Variants in SETD2 observed in about 807,000 individuals in gnomAD.
SETD2 encodes histone-lysine N-methyltransferase SETD2.
SETD2 carries 31 observed loss-of-function variants against 242.1 expected under a neutral mutation model. That is an observed-to-expected ratio of 0.13 (90% CI 0.10 to 0.17). The LOEUF is 0.17. Ranked by LOEUF, SETD2 falls within the 10% of genes least tolerant of loss-of-function variation. SETD2 has a pLI of 1.00. For missense variants in SETD2, 2,481 were observed against 3,046.3 expected, an observed-to-expected ratio of 0.81 and a Z score of 4.37; for synonymous variants, 1,006 against 1,066.5, an observed-to-expected ratio of 0.94 and a Z score of 1.11.
chr3:47,049,375 T>TG (rs1553682198), intron 15 of SETD2, among the ~76,000 whole-genome samples: 1 of 6,930 alleles, frequency 1.4e-4, no homozygotes, highest in Non-Finnish European at 5.4e-4. Flanking sequence ...AAACTTATTC[T>TG]TTTTTTTTTT....
chr3:47,133,966 A>T (rs555677490), intron 1 of SETD2, among the ~76,000 whole-genome samples: 2 of 152,346 alleles, frequency 1.3e-5, no homozygotes, highest in African/African-American at 4.8e-5. Flanking sequence ...AGAGTATTTC[A>T]TAATATTGCT....
At chr3:47,088,467 C>A (rs1388527512) in intron 9 of SETD2, among the ~76,000 whole-genome samples, 1 of 143,914 alleles carries the variant, frequency 6.9e-6, no homozygotes, top group East Asian at 2.0e-4. Flanking sequence ...AAATGCATTT[C>A]ATTCACTCAT....
intron 1 of SETD2, among the ~76,000 whole-genome samples, chr3:47,151,756 A>G (rs995768229): frequency 1.3e-5 from 2 of 151,268 alleles, no homozygotes; most frequent in Admixed American, 1.3e-4. Flanking sequence ...GAACCCGGGA[A>G]GCGGAGGTTG....
intron 9 of SETD2, among the ~76,000 whole-genome samples, chr3:47,093,000 T>A (rs1205090007): frequency 6.6e-6 from 1 of 152,204 alleles, no homozygotes; most frequent in Non-Finnish European, 1.5e-5. Flanking sequence ...ATATTAATTT[T>A]TTTTAAGTGA....
chr3:47,023,864 T>C (rs1299412385), intron 18 of SETD2, among the ~76,000 whole-genome samples: 3 of 152,178 alleles, frequency 2.0e-5, no homozygotes, highest in Non-Finnish European at 4.4e-5. Context: ...CTTTAGACTT[T>C]GGCATCCATG....
upstream of SETD2, chr3:47,164,420 CG>C (rs1201575456): frequency 6.5e-6 from 1 of 152,876 alleles, no homozygotes; most frequent in Non-Finnish European, 1.5e-5. The surrounding 1 kb of genome is among the most constrained non-coding windows in gnomAD (Gnocchi z 5.4). Flanking sequence ...CAGCGTGACC[CG>C]GCCCGCTACC....
chr3:47,058,896 G>A (rs968322419), intron 14 of SETD2, among the ~76,000 whole-genome samples: 6 of 151,782 alleles, frequency 4.0e-5, no homozygotes, highest in Non-Finnish European at 7.4e-5. Flanking sequence ...CCGGGTTCAT[G>A]CCATTCTTCT....
chr3:47,085,323 A>T (rs1254623126), intron 11 of SETD2, among the ~76,000 whole-genome samples: 1 of 152,210 alleles, frequency 6.6e-6, no homozygotes, highest in African/African-American at 2.4e-5. Flanking sequence ...AAAGTTTACC[A>T]AGTGTCTGTG....
intron 11 of SETD2, among the ~76,000 whole-genome samples, chr3:47,084,739 T>G (rs976098603): frequency 3.4e-5 from 5 of 145,958 alleles, no homozygotes; most frequent in Non-Finnish European, 4.5e-5. Context: ...GTTGATTTTG[T>G]TTTTTTTTTG....
At chr3:47,019,229 G>GT (rs2038112518) in intron 19 of SETD2, among the ~76,000 whole-genome samples, 1 of 152,202 alleles carries the variant, frequency 6.6e-6, no homozygotes, top group Admixed American at 6.5e-5. Context: ...TGGACTTTGA[G>GT]CCAGAACGCC....
In SETD2 at chr3:47,121,823, T is replaced by C. The variant is rs755037858; in HGVS notation, c.2813A>G (p.Asp938Gly). ...TIVEVGSDLP[D>G]SGKGFASREN... Reference sequence around the variant, plus strand: ...CCTGGAAGCAAATCCCTTTCCTGAATCAGGAAGGTCACTACCTACTTCTAC... The same window carrying C: ...CCTGGAAGCAAATCCCTTTCCTGAACCAGGAAGGTCACTACCTACTTCTAC... The change falls in exon 3 of 21, where the codon GAT becomes GGT. Residue 938 changes from aspartate to glycine, a missense_variant. This residue lies in a region of SETD2 where 1,300 missense variants were observed against 1,259.2 expected (regional missense o/e 1.03). Transcript: ENST00000409792. The C allele has an allele frequency of 3.1e-6, 5 of 1,614,120 alleles. No homozygotes were observed. The Admixed American group carries it at 5.0e-5, about 16-fold the overall frequency.
chr3:47,041,544 T>C (rs1267735472), intron 17 of SETD2: 1 of 261,356 alleles, frequency 3.8e-6, no homozygotes, highest in African/African-American at 2.3e-5. Context: ...TGTTAATTGA[T>C]AAAGCTCTAT....
chr3:47,122,932 T>C lies in SETD2; in HGVS notation c.1704A>G (p.Lys568=), dbSNP rs1364886050. The C allele has an allele frequency of 6.2e-7, 1 of 1,610,808 alleles. No homozygotes were observed. The highest frequency in any genetic ancestry group is 1.1e-5 in the South Asian group (1 of 90,534). Reference sequence around the variant, plus strand: ...CTGTACAACAGAAAGAATTTTTAAATTTATCAGACTTGGGTATAGGTTTTG... The same window carrying C: ...CTGTACAACAGAAAGAATTTTTAAACTTATCAGACTTGGGTATAGGTTTTG... ...TLSKPIPKSD[K]FKNSFCCTEL... is the part of the protein sequence containing the mutation. Residue 568 remains lysine, a synonymous_variant, in exon 3 of 21, where the codon AAA becomes AAG. Coordinates refer to ENST00000409792, the MANE Select transcript of SETD2 (RefSeq NM_014159.7).
At chr3:47,061,196 C>A (rs1271575370) in intron 14 of SETD2, among the ~76,000 whole-genome samples, 1 of 151,668 alleles carries the variant, frequency 6.6e-6, no homozygotes, top group African/African-American at 2.4e-5. Flanking sequence ...CCAGCCTGGG[C>A]AACAGAGCAA....
At position 47,016,516 on chromosome 3, in the gene SETD2, A is replaced by G. The variant is rs2037989397; in HGVS notation, c.*577T>C. 4.3e-6 allele frequency: 1 copy of G among 233,484 alleles called. No individual in the cohort carries two copies. Among genetic ancestry groups the G allele is most frequent in the South Asian group, 1.8e-4 (1 of 5,532 alleles). The allele number at this position is 233,484 out of a possible 1,614,324, so 14.5% of individuals were successfully genotyped here. On this transcript the variant is annotated 3_prime_UTR_variant, in exon 21 of 21. Transcript: ENST00000409792. Reference sequence around the variant, plus strand: ...TAAAGTGATTTTAAGCAGTAAATCAATCTTATCAACATAGCACAAGGCTGG... The same window carrying G: ...TAAAGTGATTTTAAGCAGTAAATCAGTCTTATCAACATAGCACAAGGCTGG...
intron 18 of SETD2, 73 bp from the exon 19 acceptor site, chr3:47,019,913 C>T (rs2038143437): frequency 7.9e-6 from 10 of 1,272,524 alleles, no homozygotes; most frequent in Admixed American, 1.7e-5. Context: ...TGTCCCAGAA[C>T]CCTCCTTTCT....
At chr3:47,080,979 C>T (rs574703986) in intron 12 of SETD2, 19 of 986,882 alleles carry the variant, frequency 1.9e-5, no homozygotes, top group Middle Eastern at 5.2e-4. Context: ...ACAGAATGCA[C>T]GCTAGGTTCT....
intron 1 of SETD2, among the ~76,000 whole-genome samples, chr3:47,149,764 A>G (rs985773299): frequency 6.6e-5 from 10 of 152,220 alleles, no homozygotes; most frequent in Non-Finnish European, 1.5e-4. Context: ...ATGTTAGCTG[A>G]ATAAATTGTC....
intron 9 of SETD2, among the ~76,000 whole-genome samples, chr3:47,092,601 G>C (rs1248659887): frequency 6.6e-6 from 1 of 150,616 alleles, no homozygotes; most frequent in African/African-American, 2.4e-5. Flanking sequence ...CAATTCTATA[G>C]TACTTGAAAA....
Sources: gnomAD v4.1 joint callset for allele counts (sites outside exome capture counted in the v4.1 genomes callset) on GRCh38, gnomAD v4.1.1 for gene constraint, gnomAD v4.1.1 regional missense constraint, Gnocchi (gnomAD v3.1) non-coding constraint, MANE v1.5 for transcripts, NCBI Gene and HGNC (gene_info 2026-07-23, HGNC 2026-07-21) for gene names.